The following DHX15 variants were observed in gnomAD, a reference collection of about 807,000 sequenced individuals.
The protein encoded by DHX15 is ATP-dependent RNA helicase DHX15.
A neutral mutation model predicts 94.4 loss-of-function variants in DHX15; 11 were observed. That is an observed-to-expected ratio of 0.12 (90% CI 0.07 to 0.19). DHX15 has a LOEUF of 0.19. DHX15 is among the 10% of genes least tolerant of loss of function. DHX15 has a pLI of 1.00. For synonymous variants in DHX15, 338 were observed against 329.9 expected, an observed-to-expected ratio of 1.02 and a Z score of -0.27; for missense variants, 304 against 988.5, an observed-to-expected ratio of 0.31 and a Z score of 9.29.
At chr4:24,556,452 C>T (rs773906377) in intron 3 of DHX15, 42 bp from the exon 4 acceptor site, 14 of 1,495,666 alleles carry the variant, frequency 9.4e-6, no homozygotes, top group Non-Finnish European at 1.3e-5. Flanking sequence ...TCCGTTAGGT[C>T]ATTTTAAAAC....
intron 3 of DHX15, among the ~76,000 whole-genome samples, chr4:24,560,676 T>G (rs1160634803): frequency 6.6e-6 from 1 of 152,170 alleles, no homozygotes; most frequent in Non-Finnish European, 1.5e-5. Flanking sequence ...TCTATCAATT[T>G]TATAATACCG....
At chr4:24,581,414 G>A (rs186157588) in intron 1 of DHX15, among the ~76,000 whole-genome samples, 34 of 152,238 alleles carry the variant, frequency 2.2e-4, no homozygotes, top group East Asian at 9.6e-4. Flanking sequence ...AAAATAACAC[G>A]CGTTGATCCC....
At chr4:24,575,022 T>A (rs1049465888) in intron 2 of DHX15, among the ~76,000 whole-genome samples, 17 of 152,028 alleles carry the variant, frequency 1.1e-4, no homozygotes, top group Non-Finnish European at 2.4e-4. Context: ...CAGGCACTGG[T>A]GGCATATGCC....
chr4:24,576,292 T>C lies in DHX15; in HGVS notation c.458A>G (p.His153Arg), dbSNP rs1722265044. The change falls in exon 2 of 14, where the codon CAT becomes CGT. Residue 153 changes from histidine (H) to arginine (R), a missense_variant. Physicochemically the swap from His to Arg is conservative, Grantham distance 29. Around this residue, in one of 9 missense-constraint regions of DHX15, gnomAD observed 143 missense variants for 200.5 expected, o/e 0.71. Transcript: ENST00000336812. ...KDRFTDILVR[H>R]QSFVLVGETG... Reference sequence around the variant, plus strand: ...CTCACCAACCAGTACAAAGGACTGATGTCTAACCAGAATATCTGTAAACCT... The same window carrying C: ...CTCACCAACCAGTACAAAGGACTGACGTCTAACCAGAATATCTGTAAACCT... 6.2e-7 allele frequency: 1 copy of C among 1,614,220 alleles called. No homozygotes were observed. Among genetic ancestry groups the C allele is most frequent in the Non-Finnish European group, 8.5e-7 (1 of 1,180,030 alleles).
chr4:24,529,146 C>G (rs73246465), intron 13 of DHX15, among the ~76,000 whole-genome samples: 11,204 of 152,166 alleles, frequency 0.074, 445 homozygotes, highest in African/African-American at 0.1. Flanking sequence ...GCCCAGCTTC[C>G]CCAGTAGCTG....
chr4:24,556,805 G>A (rs747145335), intron 3 of DHX15, among the ~76,000 whole-genome samples: 22 of 152,168 alleles, frequency 1.4e-4, no homozygotes, highest in Non-Finnish European at 2.5e-4. Flanking sequence ...GTTGCTTCAT[G>A]TCACACCACT....
intron 2 of DHX15, among the ~76,000 whole-genome samples, chr4:24,571,056 T>C (rs1364353425): frequency 2.0e-5 from 3 of 152,186 alleles, no homozygotes; most frequent in Non-Finnish European, 4.4e-5. Flanking sequence ...CACACCCAAG[T>C]TGGGTAGACA....
chr4:24,529,980 TC>T, intron 12 of DHX15: 1 of 576,150 alleles, frequency 1.7e-6, no homozygotes. Context: ...GGTCTGTGAA[TC>T]CAAAATGGTT....
Position 24,584,332 on chromosome 4 carries a change from C to G in DHX15, c.62G>C (p.Gly21Ala). Residue 21 changes from glycine to alanine, a missense_variant, in exon 1 of 14, where the codon GGG (glycine) becomes GCG (alanine). Coordinates refer to ENST00000336812, the MANE Select transcript of DHX15 (RefSeq NM_001358.3). ...EDYPSGKKRA[G>A]TDGKDRDRDR... ...CCCCGGCCTGGCTTACCCATCGGTC[C>G]CCGCACGCTTCTTGCCAGAGGGGTA... 6.2e-7 allele frequency: 1 copy of G among 1,612,676 alleles called. No individual in the cohort carries two copies. The highest frequency in any genetic ancestry group is 8.5e-7 in the Non-Finnish European group (1 of 1,179,548).
chr4:24,570,575 G>A (rs1486764230), intron 3 of DHX15, 79 bp downstream of exon 3: 45 of 1,324,574 alleles, frequency 3.4e-5, no homozygotes, highest in Non-Finnish European at 4.7e-5. Flanking sequence ...ACATAAGCCT[G>A]CACTAGCAAA....
At position 24,527,957 on chromosome 4, in the gene DHX15, G is replaced by A. The variant is rs141712215; in HGVS notation, c.2355C>T (p.Ala785=). The A allele has an allele frequency of 1.9e-6, 3 of 1,613,474 alleles. No homozygotes were observed. In the African/African-American group the frequency reaches 4.0e-5, roughly 22 times the overall value. Residue 785 remains alanine, a synonymous_variant, in exon 14 of 14, where the codon GCC becomes GCT. Coordinates refer to ENST00000336812, the MANE Select transcript of DHX15 (RefSeq NM_001358.3). ...GTGAATATTCCTTGGATTGAAGTTT[G>A]GCAATGATGCGGTCCAACTGTCTCT... is the stretch of plus-strand genomic sequence containing the variant. ...EAKRQLDRII[A]KLQSKEYSQY is the part of the protein sequence containing the mutation.
At chr4:24,540,978 A>T in intron 8 of DHX15, 30 bp from the exon 9 acceptor site, 1 of 1,362,686 alleles carries the variant, frequency 7.3e-7, no homozygotes, top group African/African-American at 1.5e-5. Context: ...TTTATTGGTT[A>T]TGTTAAAAAT....
At chr4:24,576,005 A>G (rs1722259375) in intron 2 of DHX15, among the ~76,000 whole-genome samples, 1 of 152,228 alleles carries the variant, frequency 6.6e-6, no homozygotes, top group Admixed American at 6.5e-5. Flanking sequence ...TACCTCTGCC[A>G]TACATAAGGT....
chr4:24,577,746 G>A (rs899988365), intron 1 of DHX15, among the ~76,000 whole-genome samples: 1 of 152,042 alleles, frequency 6.6e-6, no homozygotes, highest in African/African-American at 2.4e-5. Context: ...GTTCATATGC[G>A]TTGTGGCTGA....
At chr4:24,572,726 C>T (rs948013031) in intron 2 of DHX15, among the ~76,000 whole-genome samples, 6 of 152,080 alleles carry the variant, frequency 3.9e-5, no homozygotes, top group Non-Finnish European at 5.9e-5. Flanking sequence ...AGTGCGTTTC[C>T]TTGTATTTTT....
intron 5 of DHX15, among the ~76,000 whole-genome samples, chr4:24,551,054 C>T (rs570441583): frequency 5.9e-5 from 9 of 152,186 alleles, no homozygotes; most frequent in African/African-American, 2.2e-4. Context: ...TGACTATATT[C>T]TAACACATGT....
chr4:24,562,046 G>A (rs1305603597), intron 3 of DHX15, among the ~76,000 whole-genome samples: 1 of 141,360 alleles, frequency 7.1e-6, no homozygotes, highest in East Asian at 2.2e-4. Context: ...CAAGAGAATC[G>A]AATCGCTTGA....
intron 3 of DHX15, among the ~76,000 whole-genome samples, chr4:24,568,480 T>C (rs191509340): frequency 6.6e-6 from 1 of 152,298 alleles, no homozygotes; most frequent in Non-Finnish European, 1.5e-5. Context: ...AAATGCTCCA[T>C]TAAAAAAATC....
At chr4:24,549,831 C>A (rs997737754) in intron 5 of DHX15, among the ~76,000 whole-genome samples, 1 of 152,042 alleles carries the variant, frequency 6.6e-6, no homozygotes. Context: ...CAGTGGCTCA[C>A]ACCTGTAATC....
Sources: gnomAD v4.1 joint callset for allele counts (sites outside exome capture counted in the v4.1 genomes callset) on GRCh38, gnomAD v4.1.1 for gene constraint, gnomAD v4.1.1 regional missense constraint, MANE v1.5 for transcripts, NCBI Gene and HGNC (gene_info 2026-07-23, HGNC 2026-07-21) for gene names.